KHDC4: variants seen among roughly 807,000 people sequenced by gnomAD.
KHDC4 encodes KH homology domain-containing protein 4.
Under a neutral mutation model 74.5 loss-of-function variants are expected in KHDC4, and 19 were observed. The observed-to-expected ratio is 0.26, with a 90% CI of 0.18 to 0.37. The LOEUF (loss-of-function observed/expected upper bound fraction) is 0.37, where lower values mean the gene tolerates loss of function less well. KHDC4 is among the 10% of genes least tolerant of loss of function. The pLI, the probability that KHDC4 is intolerant of heterozygous loss-of-function variation, is 1.00. For missense variants in KHDC4, 632 were observed against 754.1 expected (o/e 0.84, Z 1.90); for synonymous variants, 253 against 266.1 (o/e 0.95, Z 0.48).
intron 3 of KHDC4, 86 bp from the exon 4 acceptor site, chr1:155,929,461 A>G: frequency 8.2e-7 from 1 of 1,212,434 alleles, no homozygotes; most frequent in East Asian, 2.3e-5. Context: ...CATTCATTCA[A>G]CCAAGTAAAG....
intron 11 of KHDC4, 43 bp from the exon 12 acceptor site, chr1:155,916,780 G>A (rs1262566123): frequency 2.3e-6 from 3 of 1,329,244 alleles, no homozygotes; most frequent in Non-Finnish European, 3.2e-6. Flanking sequence ...ATCTACAACT[G>A]CCGTATTGAC....
rs943568269 is a variant in KHDC4 at position 155,923,170 on chromosome 1, A to C, written c.954+457T>G. Among the ~76,000 whole-genome samples the C allele has an allele frequency of 6.7e-5, 10 of 150,090 alleles. No individual in the cohort carries two copies. In the East Asian group the frequency reaches 2.0e-3, roughly 29 times the overall value. On this transcript the variant is annotated intron_variant, in intron 8 of 13. Coordinates refer to ENST00000368321, the MANE Select transcript of KHDC4 (RefSeq NM_014949.4). ...CAGTGAGCCGAGATCCCGCCACTGC[A>C]CTCCAGCCTGGGCGACAGAAAAAAA...
intron 7 of KHDC4, among the ~76,000 whole-genome samples, chr1:155,924,739 A>G (rs1017394176): frequency 2.6e-5 from 4 of 151,618 alleles, no homozygotes; most frequent in African/African-American, 9.7e-5. Context: ...ACACCTGGCT[A>G]ATTTTTATAC....
chr1:155,917,517 A>C lies in KHDC4; in HGVS notation c.1422T>G (p.Ser474=). 6.5e-7 allele frequency: 1 copy of C among 1,548,318 alleles called. No homozygotes were observed. The highest frequency in any genetic ancestry group is 1.1e-5 in the South Asian group (1 of 90,236). ...ATTTAACCTGGTATCCAAGCAGTCCAGATTCCCGTTCATCTGGTAGCTCCT... is the reference window on the plus strand; with the variant it reads ...ATTTAACCTGGTATCCAAGCAGTCCCGATTCCCGTTCATCTGGTAGCTCCT... ...FTEELPDERE[S]GLLGYQHGPI... Residue 474 remains serine (S), a synonymous_variant, in exon 11 of 14, where the codon TCT becomes TCG. Transcript: ENST00000368321.
chr1:155,914,388 G>A (rs973606372), intron 13 of KHDC4, 68 bp from the exon 14 acceptor site: 26 of 1,262,552 alleles, frequency 2.1e-5, no homozygotes, highest in African/African-American at 3.1e-5. Context: ...CCATAAATTC[G>A]TTAATTAAAA....
At chr1:155,921,834 T>C (rs1385348602) in intron 9 of KHDC4, 27 bp downstream of exon 9, 4 of 1,559,336 alleles carry the variant, frequency 2.6e-6, no homozygotes, top group Non-Finnish European at 3.5e-6. Flanking sequence ...AGCAAAATAT[T>C]TTTTAAACAC....
chr1:155,925,189 G>T (rs954642666), intron 7 of KHDC4, among the ~76,000 whole-genome samples: 18 of 152,012 alleles, frequency 1.2e-4, no homozygotes, highest in Admixed American at 2.0e-4. Flanking sequence ...ACCACACCCG[G>T]CTAATTTTTT....
At chr1:155,916,223 A>C (rs1673727426) in intron 12 of KHDC4, among the ~76,000 whole-genome samples, 1 of 152,238 alleles carries the variant, frequency 6.6e-6, no homozygotes, top group African/African-American at 2.4e-5. Context: ...TACTAATATA[A>C]GAAAGGAAAA....
intron 2 of KHDC4, among the ~76,000 whole-genome samples, chr1:155,930,101 C>T (rs953488004): frequency 2.0e-5 from 3 of 152,006 alleles, no homozygotes; most frequent in East Asian, 3.9e-4. Context: ...TTAGTAGAGA[C>T]GGGGTTTCAC....
intron 10 of KHDC4, 25 bp from the exon 11 acceptor site, chr1:155,917,697 G>A (rs1557966246): frequency 1.4e-6 from 2 of 1,467,184 alleles, no homozygotes; most frequent in Non-Finnish European, 1.8e-6. Flanking sequence ...AACCAAGGAA[G>A]AAAAAAAGTG....
At chr1:155,931,588 A>C (rs1014296430) in intron 2 of KHDC4, among the ~76,000 whole-genome samples, 1 of 152,076 alleles carries the variant, frequency 6.6e-6, no homozygotes, top group Admixed American at 6.6e-5. Context: ...CACCTAGCTA[A>C]TTGTTTTTGT....
intron 4 of KHDC4, among the ~76,000 whole-genome samples, chr1:155,927,832 C>CCACACACACACACACACACACA (rs199711249): frequency 1.2e-4 from 11 of 90,932 alleles, no homozygotes; most frequent in South Asian, 3.6e-4. Flanking sequence ...AAAAAAAAAA[C>CCACACACACACACACACACACA]CACACACACA....
At chr1:155,916,007 T>A in intron 12 of KHDC4, 43 bp from the exon 13 acceptor site, 1 of 1,247,742 alleles carries the variant, frequency 8.0e-7, no homozygotes, top group Non-Finnish European at 1.1e-6. Context: ...ACAATTTAAA[T>A]TTTCTTAACT....
intron 10 of KHDC4, among the ~76,000 whole-genome samples, chr1:155,920,564 ACAGTCTCACTCTGT>A (rs762172935): frequency 1.3e-5 from 2 of 152,134 alleles, no homozygotes; most frequent in Non-Finnish European, 2.9e-5. Context: ...TTTTTTTGAG[ACAGTCTCACTCTGT>A]CACTGAGGCT....
At chr1:155,921,311 T>G in intron 10 of KHDC4, 64 bp downstream of exon 10, 1 of 1,553,200 alleles carries the variant, frequency 6.4e-7, no homozygotes. Flanking sequence ...ATACCACTAC[T>G]TCCCCTCTTT....
At chr1:155,917,694 G>A (rs1177442940) in intron 10 of KHDC4, 22 bp from the exon 11 acceptor site, 2 of 1,478,402 alleles carry the variant, frequency 1.4e-6, no homozygotes, top group Non-Finnish European at 1.8e-6. Context: ...ACAAACCAAG[G>A]AAGAAAAAAA....
intron 2 of KHDC4, among the ~76,000 whole-genome samples, chr1:155,930,967 C>T (rs1411012464): frequency 6.6e-6 from 1 of 152,100 alleles, no homozygotes; most frequent in African/African-American, 2.4e-5. Context: ...GCCGAGATCA[C>T]GCCATCGCAC....
intron 7 of KHDC4, 77 bp from the exon 8 acceptor site, chr1:155,923,764 C>A: frequency 1.8e-6 from 2 of 1,126,380 alleles, no homozygotes; most frequent in Non-Finnish European, 2.7e-6. Context: ...ATTTTCCATG[C>A]TATTTTACAT....
chr1:155,926,863 A>G, intron 5 of KHDC4, 24 bp from the exon 6 acceptor site: 1 of 1,613,222 alleles, frequency 6.2e-7, no homozygotes, highest in Non-Finnish European at 8.5e-7. Flanking sequence ...AGACAGTAAA[A>G]CTGAATGGAA....
Sources: gnomAD v4.1 joint callset for allele counts (sites outside exome capture counted in the v4.1 genomes callset) on GRCh38, gnomAD v4.1.1 for gene constraint, MANE v1.5 for transcripts, NCBI Gene and HGNC (gene_info 2026-07-23, HGNC 2026-07-21) for gene names.